The following AGPAT4 variants were observed in gnomAD, a reference collection of about 807,000 sequenced individuals.
AGPAT4 encodes the protein 1-acyl-sn-glycerol-3-phosphate acyltransferase delta.
A neutral mutation model predicts 48.0 loss-of-function variants in AGPAT4; 15 were observed. The ratio of observed to expected loss-of-function variants is 0.31; its 90% confidence interval spans 0.21 to 0.48. The LOEUF (loss-of-function observed/expected upper bound fraction) is 0.48. AGPAT4 is among the 20% of genes least tolerant of loss of function. The pLI, the probability that AGPAT4 is intolerant of heterozygous loss-of-function variation, is 0.99. For synonymous variants in AGPAT4, 178 were observed against 198.7 expected, an observed-to-expected ratio of 0.90 and a Z score of 0.88; for missense variants, 314 against 482.5, an observed-to-expected ratio of 0.65 and a Z score of 3.27.
Position 161,236,216 on chromosome 6 carries a change from CAG to C in AGPAT4, c.-89-3916_-89-3915del, listed in dbSNP as rs1782268877. Among the ~76,000 whole-genome samples the C allele has an allele frequency of 6.6e-6, 1 of 151,790 alleles. No homozygotes were observed. Among genetic ancestry groups the C allele is most frequent in the Admixed American group, 6.6e-5 (1 of 15,242 alleles). On this transcript the variant is annotated intron_variant, in intron 1 of 8. Transcript: ENST00000320285. This position sits in a 1 kb window ranked among gnomAD's most constrained non-coding sequence, Gnocchi z 5.0. Reference sequence around the variant, plus strand: ...TCTGAGCATATCAGAGCGCTACTTACAGAGTTTCTAAATCAACAGAGAACTAG... The same window carrying C: ...TCTGAGCATATCAGAGCGCTACTTACAGTTTCTAAATCAACAGAGAACTAG...
rs779661624 is a variant in AGPAT4, at chr6:161,143,245, A to C, written c.843+3279T>G. ...GTACCGCTAGGTGCAGCTAGTTTGT[A>C]AAATTTTTTTGTAGAGACGGGTTCC... On this transcript the variant is annotated intron_variant, in intron 7 of 8. Coordinates refer to ENST00000320285, the MANE Select transcript of AGPAT4 (RefSeq NM_020133.3). The surrounding 1 kb of genome is among the most constrained non-coding windows in gnomAD (Gnocchi z 4.7). 6.6e-6 allele frequency among the ~76,000 whole-genome samples: 1 copy of C among 152,146 alleles called. No homozygotes were observed. Among genetic ancestry groups the C allele is most frequent in the Non-Finnish European group, 1.5e-5 (1 of 68,016 alleles).
Position 161,223,259 on chromosome 6 carries a change from A to C in AGPAT4, c.178+8777T>G, listed in dbSNP as rs1781879107. On this transcript the variant is annotated intron_variant, in intron 2 of 8. Coordinates refer to ENST00000320285, the MANE Select transcript of AGPAT4 (RefSeq NM_020133.3). The surrounding 1 kb of genome is among the most constrained non-coding windows in gnomAD (Gnocchi z 6.3). ...GAGCTTGGGTGCACGTTTGTTAAAG[A>C]ATGCCTGCTGGGCGGCGACAGGCAT... 6.6e-6 allele frequency among the ~76,000 whole-genome samples: 1 copy of C among 152,186 alleles called. No homozygotes were observed.
rs148788155 is a variant in AGPAT4, at chr6:161,231,687, C to T, written c.178+349G>A. 2.5e-3 allele frequency among the ~76,000 whole-genome samples: 375 copies of T among 152,154 alleles called. 1 individual carries two copies. Among genetic ancestry groups the T allele is most frequent in the African/African-American group, 8.6e-3 (357 of 41,506 alleles). On this transcript the variant is annotated intron_variant, in intron 2 of 8. Transcript: ENST00000320285. This position sits in a 1 kb window ranked among gnomAD's most constrained non-coding sequence, Gnocchi z 5.3. ...ATAGATATATACACAGAAAGACGCA[C>T]ATGCATTTACAAGTATAAGAGCTAT...
chr6:161,256,999 G>A (rs1782961804), intron 1 of AGPAT4, among the ~76,000 whole-genome samples: 1 of 152,218 alleles, frequency 6.6e-6, no homozygotes, highest in Admixed American at 6.5e-5. Flanking sequence ...TTAGCCAGTG[G>A]GCGTGGAGGC....
chr6:161,176,781 G>A (rs1780442780), intron 2 of AGPAT4, among the ~76,000 whole-genome samples: 1 of 152,190 alleles, frequency 6.6e-6, no homozygotes, highest in Admixed American at 6.5e-5. Context: ...GCTGGTACCG[G>A]TTGTTCCATT....
Position 161,223,369 on chromosome 6 carries a change from T to C in AGPAT4, c.178+8667A>G, listed in dbSNP as rs926019228. 2.6e-5 allele frequency among the ~76,000 whole-genome samples: 4 copies of C among 152,218 alleles called. No individual in the cohort carries two copies. Among genetic ancestry groups the C allele is most frequent in the African/African-American group, 9.6e-5 (4 of 41,456 alleles). On this transcript the variant is annotated intron_variant, in intron 2 of 8. Transcript: ENST00000320285. The surrounding 1 kb of genome is among the most constrained non-coding windows in gnomAD (Gnocchi z 6.3). ...TTGGGTGTTAAAATAAAAACTTGCA[T>C]AGCATTTGACATTTGCTTATTTCAA...
rs1276630200 is a variant in AGPAT4, at chr6:161,259,981, C to T, written c.-90+13957G>A. 1.3e-5 allele frequency among the ~76,000 whole-genome samples: 2 copies of T among 152,078 alleles called. No individual in the cohort carries two copies. The highest frequency in any genetic ancestry group is 2.4e-5 in the African/African-American group (1 of 41,406). The stretch of plus-strand genomic sequence containing the variant: ...CTGGAGGAAACTTCCATTCACCTGG[C>T]GCTATACGTGTTTGGGGCTGGGGAG... On this transcript the variant is annotated intron_variant, in intron 1 of 8. Transcript: ENST00000320285. This position sits in a 1 kb window ranked among gnomAD's most constrained non-coding sequence, Gnocchi z 4.9.
At position 161,155,105 on chromosome 6, in the gene AGPAT4, A is replaced by C. The variant is rs1490616840; in HGVS notation, c.349-795T>G. 6.6e-6 allele frequency among the ~76,000 whole-genome samples: 1 copy of C among 152,098 alleles called. No homozygotes were observed. The highest frequency in any genetic ancestry group is 1.5e-5 in the Non-Finnish European group (1 of 68,008). On this transcript the variant is annotated intron_variant, in intron 3 of 8. Coordinates refer to ENST00000320285, the MANE Select transcript of AGPAT4 (RefSeq NM_020133.3). This position sits in a 1 kb window ranked among gnomAD's most constrained non-coding sequence, Gnocchi z 5.8. ...TTCTTGAGGCTGACGCAGGTGCACGAGCTAGGCCCCACAGGTCCCCTCTGG... is the reference window on the plus strand; with the variant it reads ...TTCTTGAGGCTGACGCAGGTGCACGCGCTAGGCCCCACAGGTCCCCTCTGG...
intron 1 of AGPAT4, among the ~76,000 whole-genome samples, chr6:161,258,342 C>T (rs1386143769): frequency 6.6e-6 from 1 of 152,162 alleles, no homozygotes; most frequent in Non-Finnish European, 1.5e-5. Context: ...TTCCTGCAAA[C>T]GGGTTGGCAG....
chr6:161,183,993 A>G (rs746020014), intron 2 of AGPAT4, among the ~76,000 whole-genome samples: 1 of 152,088 alleles, frequency 6.6e-6, no homozygotes, highest in Non-Finnish European at 1.5e-5. Flanking sequence ...TTGGTGAGAC[A>G]GGAAGTCACT....
At chr6:161,252,952 A>G (rs1270927537) in intron 1 of AGPAT4, among the ~76,000 whole-genome samples, 1 of 152,140 alleles carries the variant, frequency 6.6e-6, no homozygotes, top group Non-Finnish European at 1.5e-5. Context: ...GCTGTGGCTC[A>G]CGTCTGTAAT....
rs528119033 is a variant in AGPAT4 at position 161,171,161 on chromosome 6, G to A, written c.179-4744C>T. ...TAGTTAAGGGAAAATCACCTGTTGA[G>A]AGTTTCAGGTTGCAATCCTGTAACT... On this transcript the variant is annotated intron_variant, in intron 2 of 8. Coordinates refer to ENST00000320285, the MANE Select transcript of AGPAT4 (RefSeq NM_020133.3). This position sits in a 1 kb window ranked among gnomAD's most constrained non-coding sequence, Gnocchi z 4.4. 2.6e-5 allele frequency among the ~76,000 whole-genome samples: 4 copies of A among 152,352 alleles called. No homozygotes were observed. In the South Asian group the frequency reaches 8.3e-4, roughly 32 times the overall value.
intron 2 of AGPAT4, among the ~76,000 whole-genome samples, chr6:161,224,656 A>C (rs898580728): frequency 1.3e-5 from 2 of 149,708 alleles, no homozygotes; most frequent in East Asian, 1.9e-4. Context: ...AAAAAAAAAA[A>C]AAAAGAAAGA....
rs1399900957 is a variant in AGPAT4 at position 161,134,796 on chromosome 6, C to T, written c.*1744G>A. The stretch of plus-strand genomic sequence containing the variant: ...GACCCCTCTTGCCTAAGGTCACGTC[C>T]TGGGCTTTTGCCCACAGATCTCTGC... On this transcript the variant is annotated 3_prime_UTR_variant, in exon 9 of 9. Transcript: ENST00000320285. 6.6e-6 allele frequency: 1 copy of T among 152,400 alleles called. No homozygotes were observed. The highest frequency in any genetic ancestry group is 1.5e-5 in the Non-Finnish European group (1 of 68,176). 9.4% of individuals were successfully genotyped at this position (152,400 alleles called of 1,614,324 possible).
At chr6:161,258,680 C>G (rs538314971) in intron 1 of AGPAT4, among the ~76,000 whole-genome samples, 1 of 152,012 alleles carries the variant, frequency 6.6e-6, no homozygotes, top group African/African-American at 2.4e-5. Flanking sequence ...GCAAAAAACA[C>G]AGAAACACCA....
At chr6:161,156,284 T>C (rs1350690890) in intron 3 of AGPAT4, among the ~76,000 whole-genome samples, 1 of 152,230 alleles carries the variant, frequency 6.6e-6, no homozygotes, top group Non-Finnish European at 1.5e-5. Flanking sequence ...CCTGCTTTTG[T>C]AAGTGACGTC....
Position 161,242,518 on chromosome 6 carries a change from CTGGAGGGTGCA to C in AGPAT4, c.-89-10227_-89-10217del, listed in dbSNP as rs1782522079. Among the ~76,000 whole-genome samples, 1 of 152,130 alleles carries C rather than the reference CTGGAGGGTGCA, an allele frequency of 6.6e-6. No individual in the cohort carries two copies. Among genetic ancestry groups the C allele is most frequent in the Admixed American group, 6.5e-5 (1 of 15,268 alleles). ...CCAGCTCGCCCGCAGCCTCATGGGG[CTGGAGGGTGCA>C]GACCTCAGAGTAGGTACACATTCTG... On this transcript the variant is annotated intron_variant, in intron 1 of 8. Coordinates refer to ENST00000320285, the MANE Select transcript of AGPAT4 (RefSeq NM_020133.3). The surrounding 1 kb of genome is among the most constrained non-coding windows in gnomAD (Gnocchi z 5.0).
chr6:161,228,039 G>A (rs1782028896), intron 2 of AGPAT4, among the ~76,000 whole-genome samples: 1 of 152,184 alleles, frequency 6.6e-6, no homozygotes, highest in African/African-American at 2.4e-5. Flanking sequence ...CCAATGGGAA[G>A]AAAGATCAAG....
At chr6:161,187,421 G>T (rs566027247) in intron 2 of AGPAT4, among the ~76,000 whole-genome samples, 1 of 152,308 alleles carries the variant, frequency 6.6e-6, no homozygotes, top group African/African-American at 2.4e-5. Flanking sequence ...ATGGGTGACA[G>T]CAGCAGTTGT....
Sources: allele counts gnomAD v4.1 joint callset (sites outside exome capture counted in the v4.1 genomes callset), GRCh38; gene constraint gnomAD v4.1.1; non-coding constraint Gnocchi (gnomAD v3.1); transcripts MANE v1.5; gene names NCBI Gene and HGNC (gene_info 2026-07-23, HGNC 2026-07-21).